KDM5A: variants seen among roughly 807,000 people sequenced by gnomAD.
KDM5A encodes the protein lysine-specific demethylase 5A.
A neutral mutation model predicts 193.5 loss-of-function variants in KDM5A; 42 were observed. That is an observed-to-expected ratio of 0.22 (90% confidence interval 0.17 to 0.28). KDM5A has a LOEUF of 0.28. KDM5A is among the 10% of genes least tolerant of loss of function. KDM5A has a pLI of 1.00. For synonymous variants in KDM5A, 796 were observed against 718.1 expected, an observed-to-expected ratio of 1.11 and a Z score of -1.73; for missense variants, 1,692 against 2,055.1, an observed-to-expected ratio of 0.82 and a Z score of 3.42.
At chr12:370,051 C>T (rs909183717) in intron 3 of KDM5A, among the ~76,000 whole-genome samples, 2 of 152,184 alleles carry the variant, frequency 1.3e-5, no homozygotes, top group East Asian at 1.9e-4. Context: ...AACCTAATAC[C>T]TGTTTTTCTT....
At chr12:315,067 G>GT (rs1943634225) in intron 19 of KDM5A, among the ~76,000 whole-genome samples, 1 of 152,100 alleles carries the variant, frequency 6.6e-6, no homozygotes, top group African/African-American at 2.4e-5. Context: ...TTAGAGAGGG[G>GT]TAAGACCAGA....
At chr12:297,702 G>C (rs77205979) in intron 24 of KDM5A, among the ~76,000 whole-genome samples, 3,912 of 152,192 alleles carry the variant, frequency 0.026, 157 homozygotes, top group African/African-American at 0.089. Context: ...AAACATTCTG[G>C]CTTGTAGGTG....
intron 8 of KDM5A, 102 bp from the exon 9 acceptor site, chr12:352,426 T>C (rs771018710): frequency 2.6e-5 from 27 of 1,058,216 alleles, no homozygotes; most frequent in Non-Finnish European, 3.8e-5. Flanking sequence ...CTAGGTAAAG[T>C]AAATCCAGTC....
At chr12:317,876 C>G (rs1267030040) in intron 19 of KDM5A, among the ~76,000 whole-genome samples, 1 of 152,222 alleles carries the variant, frequency 6.6e-6, no homozygotes, top group Non-Finnish European at 1.5e-5. Context: ...TCTCCAGGAG[C>G]TGCCTGCCAA....
intron 14 of KDM5A, among the ~76,000 whole-genome samples, chr12:324,277 G>A (rs144726232): frequency 1.2e-4 from 18 of 151,920 alleles, no homozygotes; most frequent in East Asian, 3.9e-4. Context: ...AACCCCAGCC[G>A]ACATAGCAAG....
intron 10 of KDM5A, among the ~76,000 whole-genome samples, chr12:339,239 T>C (rs1398838144): frequency 6.6e-6 from 1 of 151,030 alleles, no homozygotes; most frequent in Non-Finnish European, 1.5e-5. Context: ...GGGTAACTCA[T>C]ATCACAGAAG....
At chr12:362,722 TA>T (rs1395328102) in intron 5 of KDM5A, among the ~76,000 whole-genome samples, 1 of 152,172 alleles carries the variant, frequency 6.6e-6, no homozygotes, top group Admixed American at 6.6e-5. Context: ...GCTCAAGGTT[TA>T]AAGAACAACA....
At chr12:373,785 G>A (rs1944464783) in intron 3 of KDM5A, among the ~76,000 whole-genome samples, 1 of 152,088 alleles carries the variant, frequency 6.6e-6, no homozygotes, top group East Asian at 1.9e-4. Flanking sequence ...TTGTGTTTTT[G>A]TTCTCATTGG....
intron 24 of KDM5A, among the ~76,000 whole-genome samples, chr12:298,518 C>T (rs1441480562): frequency 1.3e-5 from 2 of 152,278 alleles, no homozygotes; most frequent in South Asian, 2.1e-4. Context: ...ACAAAAAGGA[C>T]GTCCACTCAG....
chr12:347,282 A>C (rs1009102605), intron 10 of KDM5A, among the ~76,000 whole-genome samples: 4 of 152,240 alleles, frequency 2.6e-5, no homozygotes, highest in African/African-American at 9.6e-5. Context: ...AAATGGAAGA[A>C]TATTCCATGC....
intron 8 of KDM5A, among the ~76,000 whole-genome samples, chr12:352,716 G>A (rs576306543): frequency 2.0e-5 from 3 of 152,166 alleles, no homozygotes; most frequent in Non-Finnish European, 4.4e-5. Flanking sequence ...ATGGATAAGG[G>A]GATAGCCACT....
chr12:355,126 C>A (rs1591928714), intron 7 of KDM5A, 32 bp downstream of exon 7: 1 of 1,273,652 alleles, frequency 7.9e-7, no homozygotes, highest in African/African-American at 1.5e-5. Context: ...AAAATAAATC[C>A]TTTCCCTCCT....
intron 18 of KDM5A, among the ~76,000 whole-genome samples, chr12:319,190 G>A (rs1943686143): frequency 6.6e-6 from 1 of 152,156 alleles, no homozygotes; most frequent in South Asian, 2.1e-4. Flanking sequence ...ATAGGGAAGT[G>A]ATGTGATTTG....
rs58266653 is a variant in KDM5A at position 352,103 on chromosome 12, CAAAAAAAAAAAA to C, written c.1149+90_1149+101del. 27 of 378,766 alleles carry C rather than the reference CAAAAAAAAAAAA, an allele frequency of 7.1e-5. 1 individual carries two copies. Among genetic ancestry groups the C allele is most frequent in the Middle Eastern group, 9.7e-4 (2 of 2,058 alleles). The allele number at this position is 378,766 out of a possible 1,614,324, so 23.5% of individuals were successfully genotyped here. A position where few individuals can be genotyped will look rare whatever the true frequency, so the allele number is the denominator to read the frequency against. On this transcript the variant is annotated intron_variant, in intron 9 of 27. Transcript: ENST00000399788. Reference sequence around the variant, plus strand: ...TGGGCGACAAAGCAAGACTCCGTCTCAAAAAAAAAAAAAAAAAAAAAAAAAAAGAGGAAACTG... The same window carrying C: ...TGGGCGACAAAGCAAGACTCCGTCTCAAAAAAAAAAAAAAAGAGGAAACTG...
chr12:338,025 C>A (rs1943955668), intron 10 of KDM5A, among the ~76,000 whole-genome samples: 1 of 152,146 alleles, frequency 6.6e-6, no homozygotes, highest in Non-Finnish European at 1.5e-5. Flanking sequence ...ACTGACCCAT[C>A]AATCTTTAAA....
At chr12:355,921 T>C (rs1011320877) in intron 6 of KDM5A, among the ~76,000 whole-genome samples, 1 of 152,204 alleles carries the variant, frequency 6.6e-6, no homozygotes, top group South Asian at 2.1e-4. Flanking sequence ...GATCTTTGCA[T>C]GAGCAGTCCT....
At chr12:327,915 G>A (rs1000336351) in intron 14 of KDM5A, among the ~76,000 whole-genome samples, 3 of 152,016 alleles carry the variant, frequency 2.0e-5, no homozygotes, top group Non-Finnish European at 4.4e-5. Flanking sequence ...TCCAGAGGCT[G>A]AGGTGGGAAG....
Position 389,074 on chromosome 12 carries a change from C to G in KDM5A, c.18G>C (p.Pro6=), listed in dbSNP as rs1391870382. Residue 6 remains proline, a synonymous_variant, in exon 1 of 28, where the codon CCG becomes CCC. Transcript: ENST00000399788. MAGVG[P]GGYAAEFVPP... is the part of the protein sequence containing the mutation. ...GCACGAACTCCGCCGCGTAGCCCCC[C>G]GGCCCCACGCCCGCCATTGCAACGG... 7 of 1,608,736 alleles carry G rather than the reference C, an allele frequency of 4.4e-6. No individual in the cohort carries two copies. The highest frequency in any genetic ancestry group is 1.3e-5 in the African/African-American group (1 of 74,084).
At chr12:300,504 T>G (rs1220355236) in intron 24 of KDM5A, among the ~76,000 whole-genome samples, 1 of 152,072 alleles carries the variant, frequency 6.6e-6, no homozygotes, top group Non-Finnish European at 1.5e-5. Flanking sequence ...AGACACAACA[T>G]ACCAGAATCT....
Sources: gnomAD v4.1 joint callset for allele counts (sites outside exome capture counted in the v4.1 genomes callset) on GRCh38, gnomAD v4.1.1 for gene constraint, MANE v1.5 for transcripts, NCBI Gene and HGNC (gene_info 2026-07-23, HGNC 2026-07-21) for gene names.